The following TRPM8 variants were observed in gnomAD, a reference collection of about 807,000 sequenced individuals.
TRPM8 encodes transient receptor potential cation channel subfamily M member 8.
TRPM8 carries 110 observed loss-of-function variants against 133.7 expected under a neutral mutation model. That is an observed-to-expected ratio of 0.82 (90% CI 0.70 to 0.96). TRPM8 has a LOEUF of 0.96. Ranked by LOEUF, TRPM8 falls within the 40% of genes least tolerant of loss-of-function variation. The pLI, the probability that TRPM8 is intolerant of heterozygous loss-of-function variation, is 0.00. For missense variants in TRPM8, 1,291 were observed against 1,379.5 expected (o/e 0.94, Z 1.02); for synonymous variants, 535 against 532.3 (o/e 1.01, Z -0.07).
intron 8 of TRPM8, 116 bp downstream of exon 8, chr2:233,947,271 G>A (rs1422797588): frequency 5.8e-6 from 9 of 1,556,630 alleles, no homozygotes; most frequent in South Asian, 1.2e-5. Context: ...GCAGCAAGTA[G>A]GTAGTGTTTT....
chr2:233,934,208 G>A (rs1360637906), intron 3 of TRPM8, among the ~76,000 whole-genome samples: 1 of 152,134 alleles, frequency 6.6e-6, no homozygotes, highest in African/African-American at 2.4e-5. Context: ...GGTGACTGAT[G>A]AGGGGGTACT....
intron 21 of TRPM8, among the ~76,000 whole-genome samples, chr2:233,993,787 G>A (rs980721343): frequency 2.6e-5 from 4 of 152,134 alleles, no homozygotes; most frequent in Non-Finnish European, 4.4e-5. Flanking sequence ...CCCCTGCTCT[G>A]AGCATCCTGG....
chr2:233,970,607 T>G, intron 17 of TRPM8, 181 bp downstream of exon 17: 1 of 614,088 alleles, frequency 1.6e-6, no homozygotes, highest in Admixed American at 2.9e-5. Context: ...AGTAATTCAG[T>G]AAGGTCTCCT....
At chr2:233,964,790 G>A (rs200253033) in intron 14 of TRPM8, 33 bp downstream of exon 14, 151 of 1,572,894 alleles carry the variant, frequency 9.6e-5, no homozygotes, top group Non-Finnish European at 1.2e-4. Flanking sequence ...TGTGGTGGGC[G>A]CGGATCTGCC....
intron 22 of TRPM8, among the ~76,000 whole-genome samples, chr2:233,997,441 T>C (rs1030470371): frequency 6.6e-6 from 1 of 152,160 alleles, no homozygotes; most frequent in African/African-American, 2.4e-5. Context: ...ATTCACCAGC[T>C]GTGGGGACTG....
At chr2:233,935,169 C>T (rs1339956407) in intron 3 of TRPM8, among the ~76,000 whole-genome samples, 2 of 152,198 alleles carry the variant, frequency 1.3e-5, no homozygotes, top group Non-Finnish European at 2.9e-5. Context: ...TTGCTAAATG[C>T]CCTGATGTGC....
At chr2:233,920,858 T>TA (rs1285615398) in intron 1 of TRPM8, among the ~76,000 whole-genome samples, 2 of 149,974 alleles carry the variant, frequency 1.3e-5, no homozygotes, top group Non-Finnish European at 3.0e-5. Context: ...TTTCACCATT[T>TA]TTTTTTTTTT....
rs761617344 is a variant in TRPM8, at chr2:233,960,856, C to T, written c.1443C>T (p.Gly481=). 6.2e-7 allele frequency: 1 copy of T among 1,614,174 alleles called. No individual in the cohort carries two copies. The highest frequency in any genetic ancestry group is 8.5e-7 in the Non-Finnish European group (1 of 1,180,022). ...PKFVRLFLEN[G]LNLRKFLTHD... ...TTGTCCGCCTCTTTCTGGAGAATGG[C>T]TTGAACCTACGGAAGTTTCTCACCC... The change falls in exon 12 of 26, where the codon GGC becomes GGT. Residue 481 remains glycine, a synonymous_variant. Transcript: ENST00000324695.
chr2:233,963,485 G>A, intron 13 of TRPM8, 108 bp downstream of exon 13: 1 of 653,030 alleles, frequency 1.5e-6, no homozygotes, highest in Non-Finnish European at 2.6e-6. Flanking sequence ...TCAGTGAAAT[G>A]GGATGTCTGA....
In TRPM8 at chr2:233,927,771, T is replaced by TTCCTTCCTTCC. The variant is rs1337987216; in HGVS notation, c.117+1118_117+1119insCCTTCCTTCCT. 3.9e-4 allele frequency among the ~76,000 whole-genome samples: 24 copies of TTCCTTCCTTCC among 61,664 alleles called. 2 individuals are homozygous for TTCCTTCCTTCC. The highest frequency in any genetic ancestry group is 2.0e-3 in the Admixed American group (11 of 5,536). 40.5% of individuals were successfully genotyped at this position (61,664 alleles called of 152,430 possible). A position where few individuals can be genotyped will look rare whatever the true frequency, so the allele number is the denominator to read the frequency against. ...CTTTCTTTCTTTCTTTCTTTCTTTC[T>TTCCTTCCTTCC]TTCTTTCTTTCTTTCTTTCTTTTCT... On this transcript the variant is annotated intron_variant, in intron 2 of 25. Coordinates refer to ENST00000324695, the MANE Select transcript of TRPM8 (RefSeq NM_024080.5).
intron 15 of TRPM8, 131 bp downstream of exon 15, chr2:233,966,886 G>A: frequency 8.1e-7 from 1 of 1,227,832 alleles, no homozygotes; most frequent in Non-Finnish European, 1.1e-6. Flanking sequence ...GGAGTGGTTT[G>A]GTGATGATGT....
At chr2:233,943,446 T>C (rs927662755) in intron 6 of TRPM8, among the ~76,000 whole-genome samples, 6 of 152,206 alleles carry the variant, frequency 3.9e-5, no homozygotes, top group Admixed American at 3.3e-4. Context: ...GAAACCATCA[T>C]TCTCAGCAAA....
chr2:233,979,816 A>G (rs1411000931), intron 17 of TRPM8, among the ~76,000 whole-genome samples: 2 of 152,254 alleles, frequency 1.3e-5, no homozygotes, highest in African/African-American at 4.8e-5. Flanking sequence ...CAATATGAGT[A>G]ATACCCTCTA....
chr2:233,975,515 G>C (rs1444152707), intron 17 of TRPM8, among the ~76,000 whole-genome samples: 2 of 152,200 alleles, frequency 1.3e-5, no homozygotes, highest in South Asian at 2.1e-4. Context: ...CCCTGACCCT[G>C]CCTCCCTTGC....
chr2:233,999,199 C>T (rs1352941381), intron 22 of TRPM8, among the ~76,000 whole-genome samples: 2 of 152,048 alleles, frequency 1.3e-5, no homozygotes, highest in Non-Finnish European at 2.9e-5. Context: ...TGCCTCTGTT[C>T]CTTGAAGCAT....
chr2:233,944,036 C>T (rs1287793898), intron 6 of TRPM8, among the ~76,000 whole-genome samples: 3 of 152,024 alleles, frequency 2.0e-5, no homozygotes, highest in East Asian at 3.9e-4. Flanking sequence ...GTTTTGAAGA[C>T]AGAGAAGTTG....
At chr2:234,002,647 C>T (rs1692597781) in intron 22 of TRPM8, among the ~76,000 whole-genome samples, 1 of 152,122 alleles carries the variant, frequency 6.6e-6, no homozygotes, top group Non-Finnish European at 1.5e-5. Context: ...GAGATGCCTC[C>T]CCACCTCCAC....
chr2:233,918,400 C>T (rs79956911), intron 1 of TRPM8, among the ~76,000 whole-genome samples: 3,058 of 151,156 alleles, frequency 0.02, 92 homozygotes, highest in East Asian at 0.15. Context: ...ATAATTATCA[C>T]TATCTTTGTT....
chr2:233,998,732 C>T (rs1692473460), intron 22 of TRPM8, among the ~76,000 whole-genome samples: 1 of 149,202 alleles, frequency 6.7e-6, no homozygotes, highest in Non-Finnish European at 1.5e-5. Context: ...AGTTAGAGTG[C>T]CAGCTTGTGC....
Sources: gnomAD v4.1 joint callset for allele counts (sites outside exome capture counted in the v4.1 genomes callset) on GRCh38, gnomAD v4.1.1 for gene constraint, MANE v1.5 for transcripts, NCBI Gene and HGNC (gene_info 2026-07-23, HGNC 2026-07-21) for gene names.